The following OPRM1 variants were observed in gnomAD, a reference collection of about 807,000 sequenced individuals.
OPRM1 encodes opioid receptor mu 1.
A neutral mutation model predicts 31.8 loss-of-function variants in OPRM1; 27 were observed. The ratio of observed to expected loss-of-function variants is 0.85; its 90% CI spans 0.63 to 1.17. The LOEUF (loss-of-function observed/expected upper bound fraction) is 1.17. Ranked by LOEUF, OPRM1 falls within the 50% of genes most tolerant of loss-of-function variation. The pLI, the probability that OPRM1 is intolerant of heterozygous loss-of-function variation, is 0.00. For missense variants in OPRM1, 536 were observed against 511.1 expected, an observed-to-expected ratio of 1.05 and a Z score of -0.47; for synonymous variants, 196 against 189.9, an observed-to-expected ratio of 1.03 and a Z score of -0.26.
intron 1 of OPRM1, among the ~76,000 whole-genome samples, chr6:154,053,552 G>A (rs956101063): frequency 1.3e-5 from 2 of 152,200 alleles, no homozygotes; most frequent in African/African-American, 4.8e-5. Flanking sequence ...GTAAAAAGGA[G>A]TGCTAGGGTA....
intron 3 of OPRM1, among the ~76,000 whole-genome samples, chr6:154,204,808 C>T (rs988730787): frequency 6.6e-6 from 1 of 152,146 alleles, no homozygotes; most frequent in African/African-American, 2.4e-5. Flanking sequence ...TGCAGAAAAC[C>T]CTCTTATAAC....
At chr6:154,167,891 A>G (rs552430580) in intron 3 of OPRM1, 4 of 1,520,414 alleles carry the variant, frequency 2.6e-6, no homozygotes, top group Non-Finnish European at 3.6e-6. Flanking sequence ...ACATCCATAG[A>G]GTTCATCCAC....
chr6:154,052,750 T>A lies in OPRM1; in HGVS notation c.290+12916T>A, dbSNP rs573483080. The stretch of plus-strand genomic sequence containing the variant: ...CTTTAGAAAATTTGATTACATATTG[T>A]TTACTACATGAAGGCAAAACATTTT... On this transcript the variant is annotated intron_variant, in intron 1 of 3. Coordinates refer to ENST00000330432, the MANE Select transcript of OPRM1 (RefSeq NM_000914.5). Among the ~76,000 whole-genome samples the A allele has an allele frequency of 1.6e-4, 25 of 152,304 alleles. 1 individual carries two copies. The highest frequency in any genetic ancestry group is 1.2e-3 in the Admixed American group (19 of 15,296).
chr6:154,130,208 G>A lies in OPRM1; in HGVS notation c.*11487G>A, dbSNP rs1436543477. ...TTTTTTGATGGAGTCTCACTCTGTCGCCCAGGCTGGAGTGCAGTGGCTCAA... is the reference window on the plus strand; with the variant it reads ...TTTTTTGATGGAGTCTCACTCTGTCACCCAGGCTGGAGTGCAGTGGCTCAA... On this transcript the variant is annotated 3_prime_UTR_variant, in exon 4 of 4. Transcript: ENST00000330432. 2.3e-5 allele frequency among the ~76,000 whole-genome samples: 3 copies of A among 132,532 alleles called. No homozygotes were observed. The highest frequency in any genetic ancestry group is 3.1e-5 in the Non-Finnish European group (2 of 64,608). The allele number at this position is 132,532 out of a possible 152,430, so 86.9% of individuals were successfully genotyped here.
At chr6:154,134,227 G>C (rs1470927376), downstream of OPRM1, among the ~76,000 whole-genome samples, 2 of 152,146 alleles carry the variant, frequency 1.3e-5, no homozygotes, top group African/African-American at 4.8e-5. Flanking sequence ...TCATACCCAG[G>C]CTTTGGGAGA....
chr6:154,165,920 C>T (rs1799389235), intron 3 of OPRM1, among the ~76,000 whole-genome samples: 1 of 152,234 alleles, frequency 6.6e-6, no homozygotes, highest in Non-Finnish European at 1.5e-5. Context: ...CAGAGGGCAA[C>T]TGAGACCCTC....
chr6:154,170,225 C>G (rs199576480), intron 3 of OPRM1, among the ~76,000 whole-genome samples: 1 of 152,180 alleles, frequency 6.6e-6, no homozygotes, highest in Non-Finnish European at 1.5e-5. Context: ...AATGAGATTT[C>G]TTTTTCCACC....
At chr6:154,148,030 C>A (rs1360566825) in intron 3 of OPRM1, among the ~76,000 whole-genome samples, 1 of 152,228 alleles carries the variant, frequency 6.6e-6, no homozygotes, top group Non-Finnish European at 1.5e-5. Context: ...CTGGCAGGTG[C>A]CTCACCTGCA....
intron 1 of OPRM1, among the ~76,000 whole-genome samples, chr6:154,044,269 CACAT>C (rs1479269276): frequency 3.9e-5 from 6 of 151,986 alleles, no homozygotes; most frequent in African/African-American, 9.7e-5. Context: ...CATATGGAAA[CACAT>C]ATATATATAG....
rs182991906 is a variant in OPRM1 at position 154,234,788 on chromosome 6, T to C, written c.1165-11905T>C. On this transcript the variant is annotated intron_variant, in intron 3 of 3. Transcript: ENST00000337049. ...ATTTTAAGTGAAATTAAGTTACTAG[T>C]GAACTTTCAGGTAGTCTGACATACA... Among the ~76,000 whole-genome samples, 4 of 152,228 alleles carry C rather than the reference T, an allele frequency of 2.6e-5. No individual in the cohort carries two copies. The East Asian group carries it at 7.7e-4, about 29-fold the overall frequency.
At chr6:154,164,722 C>G (rs565689444) in intron 3 of OPRM1, among the ~76,000 whole-genome samples, 154 of 152,280 alleles carry the variant, frequency 1.0e-3, no homozygotes, top group African/African-American at 3.6e-3. Context: ...AAGGGTTCAC[C>G]GCTCTTGTGA....
At chr6:154,078,813 AGCT>A (rs1788428609) in intron 1 of OPRM1, among the ~76,000 whole-genome samples, 1 of 152,142 alleles carries the variant, frequency 6.6e-6, no homozygotes, top group Admixed American at 6.6e-5. Flanking sequence ...AGGAGGTCAA[AGCT>A]GCAGTGAGTC....
At chr6:154,192,644 G>A (rs1240309435) in intron 3 of OPRM1, among the ~76,000 whole-genome samples, 6 of 97,036 alleles carry the variant, frequency 6.2e-5, no homozygotes, top group Admixed American at 5.1e-4. Context: ...GAATCTACAA[G>A]GAACACAAAC....
At chr6:154,059,994 G>A (rs1024742166) in intron 1 of OPRM1, among the ~76,000 whole-genome samples, 2 of 152,172 alleles carry the variant, frequency 1.3e-5, no homozygotes, top group Non-Finnish European at 2.9e-5. Context: ...CCCATGAAGT[G>A]TCTGCCTTTT....
At chr6:154,161,090 G>A (rs764951728) in intron 3 of OPRM1, among the ~76,000 whole-genome samples, 12 of 152,224 alleles carry the variant, frequency 7.9e-5, no homozygotes, top group Non-Finnish European at 1.2e-4. Flanking sequence ...TCACACCTCC[G>A]TGTTGTTGTG....
Position 154,152,347 on chromosome 6 carries a change from G to GAAAGAAAGGAAAGAAA in OPRM1, c.1164+60875_1164+60876insAAAGAAAGGAAAGAAA. Among the ~76,000 whole-genome samples the GAAAGAAAGGAAAGAAA allele has an allele frequency of 1.0e-3, 67 of 65,136 alleles. 1 individual carries two copies. Among genetic ancestry groups the GAAAGAAAGGAAAGAAA allele is most frequent in the African/African-American group, 3.6e-3 (64 of 17,894 alleles). 42.7% of individuals were successfully genotyped at this position (65,136 alleles called of 152,430 possible). On this transcript the variant is annotated intron_variant, in intron 3 of 3. Transcript: ENST00000337049. ...AGAAAGAAAGAAAGAAAGAAAGAAAGGAAAGAAAGAAAGAAAGAAAGAAAG... is the reference window on the plus strand; with the variant it reads ...AGAAAGAAAGAAAGAAAGAAAGAAAGAAAGAAAGGAAAGAAAGAAAGAAAGAAAGAAAGAAAGAAAG...
intron 1 of OPRM1, among the ~76,000 whole-genome samples, chr6:154,054,653 G>A (rs1369767427): frequency 6.6e-6 from 1 of 152,224 alleles, no homozygotes; most frequent in African/African-American, 2.4e-5. Flanking sequence ...TTGCAGAAAA[G>A]CGAAAGCTCA....
intron 1 of OPRM1, among the ~76,000 whole-genome samples, chr6:154,029,344 G>A (rs1042871837): frequency 6.6e-6 from 1 of 152,108 alleles, no homozygotes; most frequent in African/African-American, 2.4e-5. Flanking sequence ...CATTTTGTAA[G>A]ATTATCTGTT....
At chr6:154,214,127 C>CTA in intron 3 of OPRM1, 1 of 850,728 alleles carries the variant, frequency 1.2e-6, no homozygotes, top group Middle Eastern at 2.4e-4. Context: ...CAGGATCAGA[C>CTA]TATACATAGA....
Sources: allele counts gnomAD v4.1 joint callset (sites outside exome capture counted in the v4.1 genomes callset), GRCh38; gene constraint gnomAD v4.1.1; transcripts MANE v1.5; gene names NCBI Gene and HGNC (gene_info 2026-07-23, HGNC 2026-07-21).